Variants in CPT1A observed in about 807,000 individuals in gnomAD.
CPT1A encodes the protein carnitine O-palmitoyltransferase 1, liver isoform.
A neutral mutation model predicts 100.8 loss-of-function variants in CPT1A; 64 were observed. That is an observed-to-expected ratio of 0.63 (90% CI 0.52 to 0.78). The LOEUF is 0.78. Ranked by LOEUF, CPT1A falls within the 30% of genes least tolerant of loss-of-function variation. The pLI is 0.00. For missense variants in CPT1A, 802 were observed against 1,034.1 expected (o/e 0.78, Z 3.08); for synonymous variants, 363 against 396.0 (o/e 0.92, Z 0.99).
At chr11:68,761,031 AAAAT>A (rs985289742) in intron 16 of CPT1A, among the ~76,000 whole-genome samples, 23 of 151,762 alleles carry the variant, frequency 1.5e-4, no homozygotes, top group Admixed American at 1.1e-3. Context: ...CAAAAAATAA[AAAAT>A]AAATAAATAA....
chr11:68,791,089 G>A (rs1271881486), intron 9 of CPT1A, among the ~76,000 whole-genome samples: 1 of 152,198 alleles, frequency 6.6e-6, no homozygotes, highest in African/African-American at 2.4e-5. Context: ...CTCCCAAAGT[G>A]CTGGGATTAC....
At chr11:68,840,179 C>G (rs1857124276) in intron 1 of CPT1A, among the ~76,000 whole-genome samples, 1 of 152,220 alleles carries the variant, frequency 6.6e-6, no homozygotes, top group Non-Finnish European at 1.5e-5. Context: ...CCCAGACCAA[C>G]TGACAGCTGG....
intron 9 of CPT1A, among the ~76,000 whole-genome samples, chr11:68,790,101 C>G (rs377617469): frequency 6.6e-6 from 1 of 151,964 alleles, no homozygotes; most frequent in East Asian, 1.9e-4. Flanking sequence ...GGGTCTCATT[C>G]TGTCACCCAG....
intron 14 of CPT1A, among the ~76,000 whole-genome samples, chr11:68,772,591 A>G (rs1484257533): frequency 6.6e-6 from 1 of 152,136 alleles, no homozygotes; most frequent in African/African-American, 2.4e-5. Context: ...GATCCAGCCC[A>G]TGGCACCTCC....
In CPT1A at chr11:68,823,862, C is replaced by G. The variant is rs894554057; in HGVS notation, c.-13-8375G>C. 2.0e-5 allele frequency among the ~76,000 whole-genome samples: 3 copies of G among 152,088 alleles called. No individual in the cohort carries two copies. In the South Asian group the frequency reaches 6.2e-4, roughly 32 times the overall value. Reference sequence around the variant, plus strand: ...ATGGATGCAACTGGAGGCCTTTATCCTAAGTGAACTCACTCAGAAACAGAA... The same window carrying G: ...ATGGATGCAACTGGAGGCCTTTATCGTAAGTGAACTCACTCAGAAACAGAA... On this transcript the variant is annotated intron_variant, in intron 1 of 18. Coordinates refer to ENST00000265641, the MANE Select transcript of CPT1A (RefSeq NM_001876.4).
chr11:68,760,379 C>A, intron 16 of CPT1A, 41 bp from the exon 17 acceptor site: 1 of 1,504,018 alleles, frequency 6.6e-7, no homozygotes, highest in East Asian at 2.3e-5. Context: ...ATCCCCTCCT[C>A]TACCGTCCCT....
intron 14 of CPT1A, among the ~76,000 whole-genome samples, chr11:68,766,448 CT>C (rs758564751): frequency 7.2e-5 from 11 of 152,112 alleles, no homozygotes; most frequent in Non-Finnish European, 1.5e-4. Context: ...CTGATGTATA[CT>C]TTTAATAGAT....
intron 14 of CPT1A, among the ~76,000 whole-genome samples, 197 bp from the exon 15 acceptor site, chr11:68,762,958 G>A (rs1214789778): frequency 2.0e-5 from 3 of 152,094 alleles, no homozygotes; most frequent in Non-Finnish European, 2.9e-5. Flanking sequence ...CCCCTGCTCC[G>A]GTGATCCCCC....
Position 68,757,339 on chromosome 11 carries a change from C to T in CPT1A, c.*305G>A. On this transcript the variant is annotated 3_prime_UTR_variant, in exon 19 of 19. Coordinates refer to ENST00000265641, the MANE Select transcript of CPT1A (RefSeq NM_001876.4). ...ATTCCACTGTGTGTGAAGCCACAAC[C>T]CTACTAATTCCTTCATTAACTCAAC... is the stretch of plus-strand genomic sequence containing the variant. 7.9e-7 allele frequency: 1 copy of T among 1,260,122 alleles called. No homozygotes were observed. Among genetic ancestry groups the T allele is most frequent in the Non-Finnish European group, 1.0e-6 (1 of 992,998 alleles). The allele number at this position is 1,260,122 out of a possible 1,614,324, so 78.1% of individuals were successfully genotyped here.
chr11:68,812,917 G>C (rs1856258058), intron 2 of CPT1A, among the ~76,000 whole-genome samples: 1 of 152,020 alleles, frequency 6.6e-6, no homozygotes, highest in Non-Finnish European at 1.5e-5. Flanking sequence ...TCCCCAGCCT[G>C]CTACTGTCTA....
intron 1 of CPT1A, among the ~76,000 whole-genome samples, chr11:68,836,468 A>G (rs1394807210): frequency 6.6e-6 from 1 of 151,706 alleles, no homozygotes; most frequent in East Asian, 1.9e-4. Context: ...CACCAAGGCA[A>G]GATCCTGCCT....
At chr11:68,771,953 T>C (rs1048913309) in intron 14 of CPT1A, among the ~76,000 whole-genome samples, 8 of 152,132 alleles carry the variant, frequency 5.3e-5, no homozygotes, top group Non-Finnish European at 5.9e-5. Flanking sequence ...GCAGAGACAG[T>C]GAAGCATGAG....
rs117607023 is a variant in CPT1A, at chr11:68,773,314, G to C, written c.1691C>G (p.Thr564Arg). 1 of 1,614,202 alleles carries C rather than the reference G, an allele frequency of 6.2e-7. No homozygotes were observed. Among genetic ancestry groups the C allele is most frequent in the Non-Finnish European group, 8.5e-7 (1 of 1,180,034 alleles). ...FGKGIIKKCRTSPDAFVQLAL... is the reference protein window; with the variant it reads ...FGKGIIKKCRRSPDAFVQLAL... ...CAGCTGCACAAAGGCGTCTGGGCTC[G>C]TGCGACATTTCTTGATGATTCCTTT... Residue 564 changes from threonine (T) to arginine (R), a missense_variant, in exon 14 of 19, where the codon ACG becomes AGG. Coordinates refer to ENST00000265641, the MANE Select transcript of CPT1A (RefSeq NM_001876.4).
intron 13 of CPT1A, 117 bp downstream of exon 13, chr11:68,775,199 T>C (rs1855109882): frequency 2.4e-6 from 2 of 833,688 alleles, no homozygotes; most frequent in African/African-American, 1.7e-5. Context: ...TCAGCCTCAG[T>C]GGTCTTCAAC....
intron 9 of CPT1A, among the ~76,000 whole-genome samples, chr11:68,791,006 T>C (rs1044240260): frequency 6.6e-6 from 1 of 152,038 alleles, no homozygotes; most frequent in Non-Finnish European, 1.5e-5. Context: ...GTATTTTCAG[T>C]AGAGATGGGG....
chr11:68,791,557 A>G (rs1469235547), intron 9 of CPT1A, among the ~76,000 whole-genome samples: 1 of 152,004 alleles, frequency 6.6e-6, no homozygotes, highest in East Asian at 1.9e-4. Context: ...TTTTTTTGAG[A>G]TGAAGTTTCA....
intron 11 of CPT1A, 89 bp downstream of exon 11, chr11:68,781,682 T>C (rs562620840): frequency 3.5e-5 from 38 of 1,094,524 alleles, no homozygotes; most frequent in African/African-American, 2.9e-4. Flanking sequence ...CTTAGCATTA[T>C]AGATACTTAG....
intron 2 of CPT1A, 146 bp downstream of exon 2, chr11:68,815,188 C>T (rs779284245): frequency 4.3e-5 from 34 of 790,640 alleles, no homozygotes; most frequent in African/African-American, 8.5e-5. Flanking sequence ...GTCTATGTGA[C>T]GGTGTCCCCA....
At chr11:68,802,513 C>T (rs1855930540) in intron 5 of CPT1A, among the ~76,000 whole-genome samples, 1 of 150,702 alleles carries the variant, frequency 6.6e-6, no homozygotes, top group South Asian at 2.1e-4. Context: ...AGGCAGATCA[C>T]GAGGTCAGGC....
Sources: gnomAD v4.1 joint callset for allele counts (sites outside exome capture counted in the v4.1 genomes callset) on GRCh38, gnomAD v4.1.1 for gene constraint, MANE v1.5 for transcripts, NCBI Gene and HGNC (gene_info 2026-07-23, HGNC 2026-07-21) for gene names.